The following CRACD variants were observed in gnomAD, a reference collection of about 807,000 sequenced individuals.
The protein encoded by CRACD is capping protein inhibiting regulator of actin dynamics.
A neutral mutation model predicts 106.8 loss-of-function variants in CRACD; 56 were observed. The observed-to-expected ratio is 0.52, with a 90% CI of 0.42 to 0.66. The LOEUF is 0.66. Ranked by LOEUF, CRACD falls within the 30% of genes least tolerant of loss-of-function variation. CRACD has a pLI of 0.00. For missense variants in CRACD, 1,730 were observed against 1,623.2 expected (o/e 1.07, Z -1.13); for synonymous variants, 754 against 670.8 (o/e 1.12, Z -1.92).
At chr4:56,286,963 T>C (rs1394294771) in intron 3 of CRACD, among the ~76,000 whole-genome samples, 1 of 152,218 alleles carries the variant, frequency 6.6e-6, no homozygotes. Flanking sequence ...CCTATCCATA[T>C]AGTATTCCAG....
intron 1 of CRACD, among the ~76,000 whole-genome samples, chr4:56,054,613 A>G (rs1731991485): frequency 6.6e-6 from 1 of 152,234 alleles, no homozygotes; most frequent in Non-Finnish European, 1.5e-5. Context: ...TTTCACACAT[A>G]TATGAGAAGT....
At chr4:56,076,739 C>T (rs1560443925) in intron 1 of CRACD, among the ~76,000 whole-genome samples, 1 of 152,154 alleles carries the variant, frequency 6.6e-6, no homozygotes, top group African/African-American at 2.4e-5. Flanking sequence ...TTTCTTAGTG[C>T]CAGCCATACT....
intron 2 of CRACD, among the ~76,000 whole-genome samples, chr4:56,258,343 G>A (rs992668232): frequency 2.6e-5 from 4 of 152,136 alleles, no homozygotes; most frequent in Admixed American, 2.0e-4. Flanking sequence ...CACTTTTAAT[G>A]TATTGATTGA....
At chr4:56,072,781 G>A (rs1050962655) in intron 1 of CRACD, among the ~76,000 whole-genome samples, 3 of 151,504 alleles carry the variant, frequency 2.0e-5, no homozygotes, top group Admixed American at 1.3e-4. Flanking sequence ...ACAGGCCCCC[G>A]TGTATGATGT....
intron 2 of CRACD, among the ~76,000 whole-genome samples, chr4:56,219,039 C>A (rs1045299120): frequency 1.3e-5 from 2 of 152,062 alleles, no homozygotes; most frequent in Non-Finnish European, 1.5e-5. Flanking sequence ...TAATGGGGGA[C>A]CTCAGAACTT....
chr4:56,177,656 C>T (rs1173354270), intron 1 of CRACD, among the ~76,000 whole-genome samples: 1 of 151,998 alleles, frequency 6.6e-6, no homozygotes, highest in Non-Finnish European at 1.5e-5. Context: ...CTGGGCTTTC[C>T]CTAATGAGAG....
chr4:56,053,803 C>G (rs1731955073), intron 1 of CRACD, among the ~76,000 whole-genome samples: 1 of 150,942 alleles, frequency 6.6e-6, no homozygotes, highest in Non-Finnish European at 1.5e-5. Context: ...ATATGTTAGA[C>G]AAAGAACAGT....
intron 2 of CRACD, among the ~76,000 whole-genome samples, chr4:56,235,504 T>G (rs1206477404): frequency 6.6e-6 from 1 of 152,240 alleles, no homozygotes; most frequent in African/African-American, 2.4e-5. Flanking sequence ...TGAATTGCTC[T>G]CTTTGAACAA....
intron 2 of CRACD, among the ~76,000 whole-genome samples, chr4:56,263,712 A>G (rs7690251): frequency 0.74 from 112,085 of 152,012 alleles, 41,397 homozygotes; most frequent in Middle Eastern, 0.83. Context: ...AAATTTGGAG[A>G]GAATATTTAA....
chr4:56,188,688 A>T (rs57070865), intron 2 of CRACD, among the ~76,000 whole-genome samples: 175 of 118,606 alleles, frequency 1.5e-3, no homozygotes, highest in Admixed American at 4.8e-3. Flanking sequence ...TCTCTCTCTC[A>T]CACACACACA....
rs140713213 is a variant in CRACD, at chr4:56,263,663, C to T, written c.-188-8658C>T. On this transcript the variant is annotated intron_variant, in intron 2 of 10. Transcript: ENST00000682029. ...TTTAAAGACTCTATCTCCAAATATT[C>T]GCATTCAGAGGTACTGGGAGTTAGG... 1.5e-3 allele frequency among the ~76,000 whole-genome samples: 232 copies of T among 152,202 alleles called. 1 individual carries two copies. Among genetic ancestry groups the T allele is most frequent in the Admixed American group, 2.9e-3 (45 of 15,264 alleles).
At position 56,281,803 on chromosome 4, in the gene CRACD, C is replaced by G. The variant is rs145555763; in HGVS notation, c.-17+9311C>G. ...GGGCTTTAGAGGCAAGTTAGAAGAT[C>G]GTTTGTCTTAGGTGGTGTCTTAGGA... On this transcript the variant is annotated intron_variant, in intron 3 of 10. Coordinates refer to ENST00000682029, the MANE Select transcript of CRACD (RefSeq NM_001393381.1). 1.4e-4 allele frequency among the ~76,000 whole-genome samples: 22 copies of G among 152,178 alleles called. 1 individual carries two copies. Among genetic ancestry groups the G allele is most frequent in the Middle Eastern group, 3.4e-3 (1 of 294 alleles).
intron 1 of CRACD, among the ~76,000 whole-genome samples, chr4:56,077,096 C>T (rs1359993999): frequency 6.6e-6 from 1 of 152,182 alleles, no homozygotes; most frequent in African/African-American, 2.4e-5. Context: ...AGTCCATTCT[C>T]ATGCTGCTAG....
intron 3 of CRACD, among the ~76,000 whole-genome samples, chr4:56,296,687 G>A (rs1389588396): frequency 1.3e-5 from 2 of 152,278 alleles, no homozygotes; most frequent in African/African-American, 4.8e-5. Flanking sequence ...AGGGGAAGGA[G>A]GAGGTTGTGC....
chr4:56,227,023 A>G (rs781648666), intron 2 of CRACD, among the ~76,000 whole-genome samples: 2 of 151,978 alleles, frequency 1.3e-5, no homozygotes, highest in Non-Finnish European at 2.9e-5. Context: ...TACTGGCACC[A>G]TACTTCTTAC....
chr4:56,184,532 A>G (rs1159485235), intron 2 of CRACD, among the ~76,000 whole-genome samples: 3 of 152,226 alleles, frequency 2.0e-5, no homozygotes, highest in Non-Finnish European at 4.4e-5. Flanking sequence ...TCTAGAGTCT[A>G]GTTAACACAG....
chr4:56,187,798 T>C (rs1312981238), intron 2 of CRACD, among the ~76,000 whole-genome samples: 1 of 152,038 alleles, frequency 6.6e-6, no homozygotes, highest in African/African-American at 2.4e-5. Context: ...TGCTCCGGAC[T>C]CTAGGCTGAC....
chr4:56,130,225 CTG>C (rs1446425666), intron 1 of CRACD, among the ~76,000 whole-genome samples: 2 of 152,064 alleles, frequency 1.3e-5, no homozygotes, highest in African/African-American at 2.4e-5. Flanking sequence ...AAGCCGTAAA[CTG>C]TACTTCAGCC....
chr4:56,272,724 C>T (rs1180202830), intron 3 of CRACD, among the ~76,000 whole-genome samples: 1 of 151,922 alleles, frequency 6.6e-6, no homozygotes, highest in East Asian at 1.9e-4. Flanking sequence ...AACCCCGTTT[C>T]TACTAAAAAA....
Sources: allele counts gnomAD v4.1 joint callset (sites outside exome capture counted in the v4.1 genomes callset), GRCh38; gene constraint gnomAD v4.1.1; transcripts MANE v1.5; gene names NCBI Gene and HGNC (gene_info 2026-07-23, HGNC 2026-07-21).